The following LIN9 variants were observed in gnomAD, a reference collection of about 807,000 sequenced individuals.
LIN9 encodes the protein lin-9 DREAM MuvB core complex component, also known as protein lin-9 homolog.
A neutral mutation model predicts 78.0 loss-of-function variants in LIN9; 18 were observed. The ratio of observed to expected loss-of-function variants is 0.23; its 90% confidence interval spans 0.16 to 0.34. The LOEUF is 0.34. Among genes scored for constraint, LIN9 ranks in the 10% least tolerant of loss-of-function variants. The pLI, the probability that LIN9 is intolerant of heterozygous loss-of-function variation, is 1.00. For missense variants in LIN9, 451 were observed against 644.1 expected (o/e 0.70, Z 3.25); for synonymous variants, 192 against 215.2 (o/e 0.89, Z 0.94).
intron 11 of LIN9, among the ~76,000 whole-genome samples, chr1:226,245,399 A>G (rs1388998810): frequency 1.4e-5 from 2 of 147,728 alleles, no homozygotes; most frequent in African/African-American, 5.0e-5. Context: ...AAAGTTTCTT[A>G]GTTCTGCCAG....
At chr1:226,233,657 A>T (rs1558149383) in intron 12 of LIN9, 134 bp from the exon 13 acceptor site, 1 of 523,000 alleles carries the variant, frequency 1.9e-6, no homozygotes, top group African/African-American at 2.0e-5. Flanking sequence ...CTCTTACCTT[A>T]GAAGTTTTTT....
Position 226,297,774 on chromosome 1 carries a change from G to C in LIN9, c.104C>G (p.Ser35Cys). The change falls in exon 3 of 15, where the codon TCT (serine) becomes TGT (cysteine). Residue 35 changes from serine to cysteine, a missense_variant. Coordinates refer to ENST00000681046, the MANE Select transcript of LIN9 (RefSeq NM_001366245.2). ...TTTCCAAACAGGTGTTTTCTGTAAA[G>C]AACTGTACTTTTCATTCCACGTGTT... The part of the protein sequence containing the change: ...LSNTWNEKYS[S>C]LQKTPVWKGR... 6.3e-7 allele frequency: 1 copy of C among 1,593,456 alleles called. No individual in the cohort carries two copies. The highest frequency in any genetic ancestry group is 8.5e-7 in the Non-Finnish European group (1 of 1,171,742).
rs1046773817 is a variant in LIN9 at position 226,302,696 on chromosome 1, T to C, written c.32-1491A>G. On this transcript the variant is annotated intron_variant, in intron 1 of 14. Transcript: ENST00000681046. The stretch of plus-strand genomic sequence containing the variant: ...TTAAGGATGATCTCAGGGGATTAAA[T>C]AAAAAAGAACATGAACTAGGAACAA... Among the ~76,000 whole-genome samples the C allele has an allele frequency of 2.6e-5, 4 of 151,988 alleles. No homozygotes were observed. In the East Asian group the frequency reaches 7.7e-4, roughly 29 times the overall value.
chr1:226,278,151 G>A (rs1017455336), intron 6 of LIN9, among the ~76,000 whole-genome samples: 3 of 152,194 alleles, frequency 2.0e-5, no homozygotes, highest in East Asian at 1.9e-4. Context: ...AAAATCAGCC[G>A]GACGTGGTGG....
chr1:226,309,228 G>C (rs767381203), upstream of LIN9: 2 of 1,419,972 alleles, frequency 1.4e-6, no homozygotes, highest in East Asian at 2.9e-5. Flanking sequence ...GTTCGAATGC[G>C]GAGCTCGCTG....
At chr1:226,248,432 C>T (rs1044872397) in intron 11 of LIN9, among the ~76,000 whole-genome samples, 4 of 152,094 alleles carry the variant, frequency 2.6e-5, no homozygotes, top group Admixed American at 1.3e-4. Context: ...ACCTCATATT[C>T]TATGTGCAAT....
chr1:226,235,335 A>AAAG (rs1311093374), intron 12 of LIN9, among the ~76,000 whole-genome samples: 23 of 151,128 alleles, frequency 1.5e-4, no homozygotes, highest in Non-Finnish European at 1.6e-4. Flanking sequence ...AAAAAAAAAA[A>AAAG]AAAAAAAAGA....
intron 10 of LIN9, among the ~76,000 whole-genome samples, chr1:226,256,225 A>G (rs959405155): frequency 5.3e-5 from 8 of 151,766 alleles, no homozygotes; most frequent in Non-Finnish European, 7.4e-5. Flanking sequence ...TCTACATACT[A>G]AAAAAAAGGA....
At position 226,252,417 on chromosome 1, in the gene LIN9, G is replaced by A. The variant is rs578109017; in HGVS notation, c.1039-1498C>T. ...TCAGCCAACCAAAAAACCTAAATCC[G>A]TCAAACCTCTAGAAATAATTTTCAA... On this transcript the variant is annotated intron_variant, in intron 10 of 14. Transcript: ENST00000681046. Among the ~76,000 whole-genome samples the A allele has an allele frequency of 8.6e-5, 13 of 152,004 alleles. No individual in the cohort carries two copies. In the South Asian group the frequency reaches 2.7e-3, roughly 32 times the overall value.
In LIN9 at chr1:226,274,906, C is replaced by T. The variant is rs1166420454; in HGVS notation, c.682+2869G>A. Among the ~76,000 whole-genome samples, 12 of 152,244 alleles carry T rather than the reference C, an allele frequency of 7.9e-5. 2 individuals are homozygous for T. The highest frequency in any genetic ancestry group is 6.5e-4 in the Admixed American group (10 of 15,288). On this transcript the variant is annotated intron_variant, in intron 7 of 14. Transcript: ENST00000681046. ...TTATATTTACATTTAAGTTCACGAA[C>T]ATGTCTTATGATAGCTATTTTGAAG...
At chr1:226,243,696 A>T (rs1658263944) in intron 11 of LIN9, among the ~76,000 whole-genome samples, 1 of 122,504 alleles carries the variant, frequency 8.2e-6, no homozygotes. Flanking sequence ...ACTCCGTCTC[A>T]AAAAAAAAAA....
intron 4 of LIN9, among the ~76,000 whole-genome samples, chr1:226,293,759 T>C (rs949647635): frequency 6.6e-6 from 1 of 152,200 alleles, no homozygotes; most frequent in Non-Finnish European, 1.5e-5. Flanking sequence ...CATTTTGCCA[T>C]GTTGGCCAGA....
intron 10 of LIN9, among the ~76,000 whole-genome samples, chr1:226,252,796 G>A (rs1175440127): frequency 2.6e-5 from 4 of 151,866 alleles, no homozygotes; most frequent in African/African-American, 9.7e-5. Flanking sequence ...GTAAAACCCC[G>A]TCTCTACTAA....
chr1:226,236,488 C>T (rs1657721403), intron 12 of LIN9, among the ~76,000 whole-genome samples: 1 of 152,042 alleles, frequency 6.6e-6, no homozygotes, highest in Non-Finnish European at 1.5e-5. Flanking sequence ...CTGAGTCTCG[C>T]TCTGTTGCCC....
At chr1:226,269,473 C>G (rs869198023) in intron 7 of LIN9, among the ~76,000 whole-genome samples, 1 of 152,040 alleles carries the variant, frequency 6.6e-6, no homozygotes, top group Non-Finnish European at 1.5e-5. Flanking sequence ...ATGTAGAAAA[C>G]AAGAAACGTT....
intron 6 of LIN9, among the ~76,000 whole-genome samples, chr1:226,280,069 T>TAA (rs1158611380): frequency 6.6e-6 from 1 of 152,228 alleles, no homozygotes; most frequent in Non-Finnish European, 1.5e-5. Flanking sequence ...TGTAAACTTT[T>TAA]AATCATAATT....
At chr1:226,273,381 T>G (rs762879633) in intron 7 of LIN9, among the ~76,000 whole-genome samples, 4 of 150,558 alleles carry the variant, frequency 2.7e-5, no homozygotes, top group African/African-American at 9.8e-5. Flanking sequence ...TCCAAGGAAC[T>G]GGAACTACAG....
At position 226,239,113 on chromosome 1, in the gene LIN9, A is replaced by G. The variant is rs1184448837; in HGVS notation, c.1120-17T>C. 6.2e-6 allele frequency: 10 copies of G among 1,609,838 alleles called. No individual in the cohort carries two copies. Among genetic ancestry groups the G allele is most frequent in the Non-Finnish European group, 8.5e-6 (10 of 1,179,074 alleles). Reference sequence around the variant, plus strand: ...ATATGATTTCTGAGAAGAGAAAAAAATCAGATCTTGGTAAGAGTTTGTTTT... The same window carrying G: ...ATATGATTTCTGAGAAGAGAAAAAAGTCAGATCTTGGTAAGAGTTTGTTTT... On this transcript the variant is annotated splice_polypyrimidine_tract_variant and intron_variant, in intron 11 of 14. Transcript: ENST00000681046.
At chr1:226,275,615 C>T (rs1364381214) in intron 7 of LIN9, among the ~76,000 whole-genome samples, 1 of 150,522 alleles carries the variant, frequency 6.6e-6, no homozygotes, top group Non-Finnish European at 1.5e-5. Context: ...ATCGCTTGAA[C>T]CTGGGAGGCA....
Sources: gnomAD v4.1 joint callset for allele counts (sites outside exome capture counted in the v4.1 genomes callset) on GRCh38, gnomAD v4.1.1 for gene constraint, MANE v1.5 for transcripts, NCBI Gene and HGNC (gene_info 2026-07-23, HGNC 2026-07-21) for gene names.